RBFOX1: variants seen among roughly 807,000 people sequenced by gnomAD.
RBFOX1 encodes RNA binding protein fox-1 homolog 1.
Under a neutral mutation model 57.7 loss-of-function variants are expected in RBFOX1, and 8 were observed. The observed-to-expected ratio is 0.14, with a 90% confidence interval of 0.08 to 0.25. RBFOX1 has a LOEUF of 0.25. Among genes scored for constraint, RBFOX1 ranks in the 10% least tolerant of loss-of-function variants. RBFOX1 has a pLI of 1.00. For missense variants in RBFOX1, 611 were observed against 548.5 expected (o/e 1.11, Z -1.14); for synonymous variants, 326 against 222.4 (o/e 1.47, Z -4.15).
intron 2 of RBFOX1, among the ~76,000 whole-genome samples, chr16:6,342,790 A>G (rs73539411): frequency 0.043 from 6,553 of 152,198 alleles, 455 homozygotes; most frequent in African/African-American, 0.15. Flanking sequence ...TATTTCTGTT[A>G]TATGCCACTC....
chr16:7,091,028 C>G (rs1327766140), intron 4 of RBFOX1, among the ~76,000 whole-genome samples: 1 of 152,196 alleles, frequency 6.6e-6, no homozygotes, highest in African/African-American at 2.4e-5. Context: ...AATTCACAAA[C>G]AGGATACAAA....
chr16:6,221,666 G>C (rs1255690365), intron 1 of RBFOX1, among the ~76,000 whole-genome samples: 1 of 152,192 alleles, frequency 6.6e-6, no homozygotes, highest in Admixed American at 6.5e-5. Context: ...CTGACTCACA[G>C]TTCCACGTGG....
intron 1 of RBFOX1, among the ~76,000 whole-genome samples, chr16:6,103,903 A>G (rs1026523614): frequency 6.6e-6 from 1 of 152,122 alleles, no homozygotes; most frequent in Non-Finnish European, 1.5e-5. Flanking sequence ...CTCTGTTCCA[A>G]TTTGGAAGAA....
intron 3 of RBFOX1, among the ~76,000 whole-genome samples, chr16:6,853,975 C>A (rs1403850813): frequency 2.0e-5 from 3 of 152,064 alleles, no homozygotes; most frequent in African/African-American, 7.2e-5. Context: ...ACAGTCATCT[C>A]CGTAATGAGC....
At chr16:6,917,688 G>A (rs1370634551) in intron 3 of RBFOX1, among the ~76,000 whole-genome samples, 1 of 152,184 alleles carries the variant, frequency 6.6e-6, no homozygotes, top group Non-Finnish European at 1.5e-5. Flanking sequence ...TGTGTGCTGT[G>A]TGATGAGTAG....
chr16:7,448,778 T>G (rs9302849), intron 4 of RBFOX1, among the ~76,000 whole-genome samples: 139,640 of 152,088 alleles, frequency 0.92, 64,320 homozygotes, highest in East Asian at 1. Flanking sequence ...CCTTCTATGT[T>G]TGTCTGTCTT....
At chr16:6,106,845 G>A (rs746146655) in intron 1 of RBFOX1, among the ~76,000 whole-genome samples, 34 of 151,314 alleles carry the variant, frequency 2.2e-4, no homozygotes, top group Non-Finnish European at 3.5e-4. Flanking sequence ...TTTTTTTTTC[G>A]GATTTCTAGT....
At chr16:7,146,638 C>G (rs890902983) in intron 4 of RBFOX1, among the ~76,000 whole-genome samples, 12 of 152,052 alleles carry the variant, frequency 7.9e-5, no homozygotes, top group African/African-American at 2.9e-4. Flanking sequence ...AAACTCAGAA[C>G]CCAGCAGATA....
chr16:6,908,554 G>T (rs986443031), intron 3 of RBFOX1, among the ~76,000 whole-genome samples: 2 of 152,146 alleles, frequency 1.3e-5, no homozygotes, highest in Non-Finnish European at 2.9e-5. Context: ...CTACTTTTCA[G>T]AGTGCCAAGC....
intron 4 of RBFOX1, among the ~76,000 whole-genome samples, chr16:7,243,560 C>A (rs111624807): frequency 7.2e-5 from 11 of 152,142 alleles, no homozygotes; most frequent in African/African-American, 2.6e-4. Context: ...AGTATTAATA[C>A]ATTTTGAGAG....
At chr16:5,463,740 C>T (rs2151601691) in intron 1 of RBFOX1, among the ~76,000 whole-genome samples, 1 of 148,150 alleles carries the variant, frequency 6.7e-6, no homozygotes. Context: ...ATGGAGGTTG[C>T]AGTAAGTCAA....
chr16:7,224,127 TAAAAAAAAAAAAA>T (rs1168449932), intron 4 of RBFOX1, among the ~76,000 whole-genome samples: 8 of 52,264 alleles, frequency 1.5e-4, no homozygotes, highest in African/African-American at 5.4e-4. Flanking sequence ...TTCCTTTTTC[TAAAAAAAAAAAAA>T]AAAAAAAAAA....
chr16:7,260,728 A>G (rs939386767), intron 4 of RBFOX1, among the ~76,000 whole-genome samples: 3 of 152,174 alleles, frequency 2.0e-5, no homozygotes, highest in Non-Finnish European at 2.9e-5. Flanking sequence ...AAGGAGTCCA[A>G]AGCTTTTTAC....
At chr16:7,209,961 C>A (rs955518491) in intron 4 of RBFOX1, among the ~76,000 whole-genome samples, 2 of 152,138 alleles carry the variant, frequency 1.3e-5, no homozygotes, top group Admixed American at 6.5e-5. Context: ...AGCTTTTAAG[C>A]CCCATTGATT....
At chr16:5,935,636 C>G (rs78297229) in intron 4 of RBFOX1, among the ~76,000 whole-genome samples, 126 of 152,300 alleles carry the variant, frequency 8.3e-4, no homozygotes, top group African/African-American at 2.9e-3. Context: ...TGTTTCTAGT[C>G]TCTAGGAATT....
chr16:6,850,303 G>A (rs1384432995), intron 3 of RBFOX1, among the ~76,000 whole-genome samples: 1 of 152,096 alleles, frequency 6.6e-6, no homozygotes. Context: ...AATATTGACA[G>A]GTACGATGAA....
intron 3 of RBFOX1, among the ~76,000 whole-genome samples, chr16:6,997,615 C>T (rs565152109): frequency 6.6e-6 from 1 of 152,214 alleles, no homozygotes; most frequent in African/African-American, 2.4e-5. Flanking sequence ...GCAAACATAC[C>T]ATAATTATTG....
Position 5,430,595 on chromosome 16 carries a change from T to A in RBFOX1, c.220-36621T>A, listed in dbSNP as rs181148923. Among the ~76,000 whole-genome samples the A allele has an allele frequency of 2.0e-5, 3 of 152,172 alleles. No individual in the cohort carries two copies. In the East Asian group the frequency reaches 5.8e-4, roughly 30 times the overall value. ...TTTAAACGCTAAGCCCACCTGCAGG[T>A]GTGAAGTGCAGAGTATCAGTTAGGT... On this transcript the variant is annotated intron_variant, in intron 1 of 2. Transcript: ENST00000585867.
intron 1 of RBFOX1, among the ~76,000 whole-genome samples, chr16:6,204,871 A>C (rs1341209279): frequency 6.6e-6 from 1 of 152,204 alleles, no homozygotes; most frequent in East Asian, 1.9e-4. Flanking sequence ...CAAAAGAAAG[A>C]GGTGAAAGAA....
Sources: allele counts gnomAD v4.1 joint callset (sites outside exome capture counted in the v4.1 genomes callset), GRCh38; gene constraint gnomAD v4.1.1; transcripts MANE v1.5; gene names NCBI Gene and HGNC (gene_info 2026-07-23, HGNC 2026-07-21).